The following WDFY4 variants were observed in gnomAD, a reference collection of about 807,000 sequenced individuals.
The protein encoded by WDFY4 is WDFY family member 4.
A neutral mutation model predicts 351.9 loss-of-function variants in WDFY4; 169 were observed. The ratio of observed to expected loss-of-function variants is 0.48; its 90% CI spans 0.42 to 0.55. The LOEUF (loss-of-function observed/expected upper bound fraction) is 0.55, where lower values mean the gene tolerates loss of function less well. Ranked by LOEUF, WDFY4 falls within the 20% of genes least tolerant of loss-of-function variation. WDFY4 has a pLI of 0.00. For missense variants in WDFY4, 3,803 were observed against 3,935.6 expected, an observed-to-expected ratio of 0.97 and a Z score of 0.90; for synonymous variants, 1,622 against 1,574.6, an observed-to-expected ratio of 1.03 and a Z score of -0.71.
intron 40 of WDFY4, among the ~76,000 whole-genome samples, chr10:48,872,579 G>A (rs2069824963): frequency 6.6e-6 from 1 of 152,130 alleles, no homozygotes; most frequent in African/African-American, 2.4e-5. Flanking sequence ...ATTAAATGTG[G>A]GACAAATTCC....
intron 40 of WDFY4, among the ~76,000 whole-genome samples, chr10:48,871,203 G>A (rs1295321407): frequency 2.0e-5 from 3 of 152,162 alleles, no homozygotes; most frequent in Admixed American, 2.0e-4. Context: ...CCAAAGTGCT[G>A]GGATTACAGG....
At position 48,822,718 on chromosome 10, in the gene WDFY4, G is replaced by T. The variant is rs377617889; in HGVS notation, c.5982+181G>T. On this transcript the variant is annotated intron_variant, in intron 35 of 61. Coordinates refer to ENST00000325239, the MANE Select transcript of WDFY4 (RefSeq NM_001394531.1). Reference sequence around the variant, plus strand: ...TGGAGGCTACTGCATGTCCAGCAGGGCTCTCACCTCAGGCCCCCTGAGCCC... The same window carrying T: ...TGGAGGCTACTGCATGTCCAGCAGGTCTCTCACCTCAGGCCCCCTGAGCCC... Among the ~76,000 whole-genome samples, 147 of 152,314 alleles carry T rather than the reference G, an allele frequency of 9.7e-4. 3 individuals are homozygous for T. In the South Asian group the frequency reaches 0.028, roughly 29 times the overall value.
intron 10 of WDFY4, among the ~76,000 whole-genome samples, chr10:48,734,287 C>T (rs2064569141): frequency 6.6e-6 from 1 of 152,114 alleles, no homozygotes; most frequent in Non-Finnish European, 1.5e-5. Flanking sequence ...CTCAATCTAG[C>T]ATTTTCTAAA....
chr10:48,880,731 T>G (rs1176667684), intron 43 of WDFY4, among the ~76,000 whole-genome samples: 1 of 152,212 alleles, frequency 6.6e-6, no homozygotes, highest in Non-Finnish European at 1.5e-5. Context: ...CGTCCTTGCC[T>G]GAGATGTCTC....
rs1993986 is a variant in WDFY4, at chr10:48,731,094, T to A, written c.1130-16T>A. On this transcript the variant is annotated splice_polypyrimidine_tract_variant and intron_variant, in intron 8 of 61. Coordinates refer to ENST00000325239, the MANE Select transcript of WDFY4 (RefSeq NM_001394531.1). ...GGAGAAATGACTTGTAAGATCATTC[T>A]TGTTTTCCTCCTCAGGGGTGACTGT... 687,650 of 1,506,186 alleles carry A rather than the reference T, an allele frequency of 0.46. 158,839 individuals carry two copies. Among genetic ancestry groups the A allele is most frequent in the Middle Eastern group, 0.55 (3,185 of 5,762 alleles). The allele number at this position is 1,506,186 out of a possible 1,614,324, so 93.3% of individuals were successfully genotyped here.
intron 39 of WDFY4, among the ~76,000 whole-genome samples, chr10:48,838,462 T>C (rs1278241313): frequency 2.6e-5 from 4 of 152,178 alleles, no homozygotes; most frequent in Non-Finnish European, 4.4e-5. Flanking sequence ...CTGAGGCCAG[T>C]AACTCAGTGA....
In WDFY4 at chr10:48,709,973, G is replaced by A; in HGVS notation, c.234+7G>A. The A allele has an allele frequency of 1.3e-6, 2 of 1,543,550 alleles. No homozygotes were observed. The highest frequency in any genetic ancestry group is 1.8e-6 in the Non-Finnish European group (2 of 1,141,920). ...TCTCCCCCTATTCCTAAAGGTTAGT[G>A]TTCTTATTTTTGAAACTGTAAGGTG... On this transcript the variant is annotated splice_region_variant and intron_variant, in intron 2 of 61. Coordinates refer to ENST00000325239, the MANE Select transcript of WDFY4 (RefSeq NM_001394531.1).
Position 48,760,390 on chromosome 10 carries a change from T to C in WDFY4, c.2503T>C (p.Cys835Arg), listed in dbSNP as rs1308541153. 2 of 1,551,572 alleles carry C rather than the reference T, an allele frequency of 1.3e-6. No homozygotes were observed. Among genetic ancestry groups the C allele is most frequent in the Non-Finnish European group, 8.7e-7 (1 of 1,146,994 alleles). ...TGCAATCATGCATCCCGGGGTCGTGTGCATCATGGTGAGGCTGCTGCCTCG... is the reference window on the plus strand; with the variant it reads ...TGCAATCATGCATCCCGGGGTCGTGCGCATCATGGTGAGGCTGCTGCCTCG... ...DAAIMHPGVV[C>R]IMVRLLPRLY... The change falls in exon 13 of 62, where the codon TGC (cysteine) becomes CGC (arginine). Residue 835 changes from cysteine (C) to arginine (R), a missense_variant. Coordinates refer to ENST00000325239, the MANE Select transcript of WDFY4 (RefSeq NM_001394531.1).
At chr10:48,723,285 G>A (rs1451117069) in intron 4 of WDFY4, 148 bp from the exon 5 acceptor site, 4 of 997,318 alleles carry the variant, frequency 4.0e-6, no homozygotes, top group Non-Finnish European at 4.3e-6. Context: ...GCATCCTCTG[G>A]TTGTCAGCAT....
intron 24 of WDFY4, among the ~76,000 whole-genome samples, chr10:48,800,778 G>A (rs2132835255): frequency 6.9e-6 from 1 of 145,030 alleles, no homozygotes; most frequent in Admixed American, 7.0e-5. Flanking sequence ...TGTTGCCCAG[G>A]CTGGAGGGCA....
At chr10:48,956,330 G>T (rs1337294581) in intron 51 of WDFY4, among the ~76,000 whole-genome samples, 1 of 152,104 alleles carries the variant, frequency 6.6e-6, no homozygotes, top group African/African-American at 2.4e-5. Context: ...CCAGCCTCCT[G>T]CCCCTTGAAC....
chr10:48,777,579 T>C (rs2066075364), intron 17 of WDFY4, 84 bp downstream of exon 17: 9 of 1,329,410 alleles, frequency 6.8e-6, no homozygotes, highest in Non-Finnish European at 9.5e-6. Context: ...GATTTTTACT[T>C]GGTGTTTCAA....
At chr10:48,912,385 TG>T (rs1838086955) in intron 47 of WDFY4, among the ~76,000 whole-genome samples, 1 of 152,246 alleles carries the variant, frequency 6.6e-6, no homozygotes, top group Non-Finnish European at 1.5e-5. Context: ...ACCTAAGCTA[TG>T]TTAGGTGCCC....
intron 26 of WDFY4, 109 bp downstream of exon 26, chr10:48,805,530 A>G: frequency 1.4e-6 from 2 of 1,405,560 alleles, no homozygotes; most frequent in Non-Finnish European, 1.9e-6. Context: ...ATCACTTGGA[A>G]CCTTCTAGGA....
rs1403920634 is a variant in WDFY4, at chr10:48,975,010, G to A, written c.9077G>A (p.Gly3026Asp). Residue 3026 changes from glycine to aspartate, a missense_variant, in exon 58 of 62, where the codon GGC becomes GAC. Gly to Asp is a moderately conservative substitution (Grantham distance 94, BLOSUM62 -1). This residue lies in a region of WDFY4 where 3,054 missense variants were observed against 3,148.6 expected (regional missense o/e 0.97). Coordinates refer to ENST00000325239, the MANE Select transcript of WDFY4 (RefSeq NM_001394531.1). ...ACCCGCCTGCCCGCCCATCGGGAAG[G>A]CATCTCAGCCATCACCATCAGTGAC... ...HVTRLPAHRE[G>D]ISAITISDVS... 6.4e-6 allele frequency: 10 copies of A among 1,551,556 alleles called. No homozygotes were observed. The highest frequency in any genetic ancestry group is 2.7e-5 in the African/African-American group (2 of 73,012).
chr10:48,724,460 G>A (rs2064198187), intron 5 of WDFY4, among the ~76,000 whole-genome samples: 2 of 152,040 alleles, frequency 1.3e-5, no homozygotes, highest in East Asian at 1.9e-4. Context: ...GGAAATGTAG[G>A]TGTCATCTGC....
chr10:48,854,907 A>G (rs1023525063), intron 39 of WDFY4, among the ~76,000 whole-genome samples: 1 of 152,242 alleles, frequency 6.6e-6, no homozygotes, highest in Non-Finnish European at 1.5e-5. Flanking sequence ...CCAAAGTACC[A>G]TAATAGAAAA....
chr10:48,900,375 T>G, intron 46 of WDFY4, 69 bp downstream of exon 46: 1 of 1,405,634 alleles, frequency 7.1e-7, no homozygotes, highest in Non-Finnish European at 9.8e-7. Context: ...CAGAGAACAC[T>G]CAGCTCTGTG....
intron 48 of WDFY4, among the ~76,000 whole-genome samples, chr10:48,942,862 G>A (rs1254711539): frequency 6.6e-6 from 1 of 152,156 alleles, no homozygotes; most frequent in Non-Finnish European, 1.5e-5. Flanking sequence ...CAACAGGCAG[G>A]GACAGGGAAT....
Sources: allele counts gnomAD v4.1 joint callset (sites outside exome capture counted in the v4.1 genomes callset), GRCh38; gene constraint gnomAD v4.1.1; regional missense constraint gnomAD v4.1.1; transcripts MANE v1.5; gene names NCBI Gene and HGNC (gene_info 2026-07-23, HGNC 2026-07-21).